CORO2B: variants seen among roughly 807,000 people sequenced by gnomAD.
The protein encoded by CORO2B is coronin-2B.
Under a neutral mutation model 58.8 loss-of-function variants are expected in CORO2B, and 26 were observed. The ratio of observed to expected loss-of-function variants is 0.44; its 90% CI spans 0.32 to 0.61. The LOEUF (loss-of-function observed/expected upper bound fraction) is 0.61. Among genes scored for constraint, CORO2B ranks in the 20% least tolerant of loss-of-function variants. The pLI, the probability that CORO2B is intolerant of heterozygous loss-of-function variation, is 0.04. For synonymous variants in CORO2B, 242 were observed against 253.8 expected, an observed-to-expected ratio of 0.95 and a Z score of 0.44; for missense variants, 460 against 645.1, an observed-to-expected ratio of 0.71 and a Z score of 3.11.
chr15:68,579,483 G>C (rs1457178850), intron 1 of CORO2B, among the ~76,000 whole-genome samples: 2 of 151,928 alleles, frequency 1.3e-5, no homozygotes, highest in Non-Finnish European at 2.9e-5. Context: ...CGCTCTGGCA[G>C]CCCCGGCGGT....
chr15:68,536,799 C>A, the CORO2B span, among the ~76,000 whole-genome samples: 1 of 152,230 alleles, frequency 6.6e-6, no homozygotes, highest in Admixed American at 6.5e-5. Context: ...GACATGGAAA[C>A]AGAAGTGGCA....
chr15:68,606,085 G>A (rs1309356860), intron 1 of CORO2B, among the ~76,000 whole-genome samples: 2 of 152,078 alleles, frequency 1.3e-5, no homozygotes, highest in African/African-American at 4.8e-5. Context: ...GAAAGTCATG[G>A]TGGCAGAGAA....
chr15:68,722,798 T>G (rs899209408), intron 11 of CORO2B, among the ~76,000 whole-genome samples: 1 of 152,228 alleles, frequency 6.6e-6, no homozygotes, highest in South Asian at 2.1e-4. Flanking sequence ...CTGGGCACGG[T>G]GGCTCACGCC....
At chr15:68,694,408 T>C (rs947040547) in intron 2 of CORO2B, among the ~76,000 whole-genome samples, 1 of 152,202 alleles carries the variant, frequency 6.6e-6, no homozygotes, top group African/African-American at 2.4e-5. Flanking sequence ...GAGAAGTTCA[T>C]TAACTTTCCT....
At chr15:68,639,655 A>G (rs957470749) in intron 1 of CORO2B, among the ~76,000 whole-genome samples, 2 of 152,186 alleles carry the variant, frequency 1.3e-5, no homozygotes, top group Non-Finnish European at 2.9e-5. Flanking sequence ...ATCGTCCTTA[A>G]TCGGAGGTCA....
At chr15:68,605,715 T>TTC (rs1900097160) in intron 1 of CORO2B, among the ~76,000 whole-genome samples, 1 of 120,186 alleles carries the variant, frequency 8.3e-6, no homozygotes, top group African/African-American at 3.1e-5. Context: ...TCTTGGGTTT[T>TTC]TTTTTTTTTT....
chr15:68,609,557 C>T (rs910804931), intron 1 of CORO2B, among the ~76,000 whole-genome samples: 3 of 152,140 alleles, frequency 2.0e-5, no homozygotes, highest in Admixed American at 6.5e-5. Flanking sequence ...CCTTCCCTCC[C>T]GAATCCACAT....
rs113479466 is a variant in CORO2B at position 68,691,432 on chromosome 15, C to T, written c.217-3708C>T. Among the ~76,000 whole-genome samples the T allele has an allele frequency of 4.5e-3, 83 of 18,498 alleles. 23 individuals are homozygous for T. Among genetic ancestry groups the T allele is most frequent in the African/African-American group, 5.8e-3 (77 of 13,314 alleles). The allele number at this position is 18,498 out of a possible 152,430, so 12.1% of individuals were successfully genotyped here. On this transcript the variant is annotated intron_variant, in intron 2 of 11. Coordinates refer to ENST00000261861, the MANE Select transcript of CORO2B (RefSeq NM_006091.5). ...CGAGGTCAGGAGATCGAGACCATCCCGGCTAAAACGGTGAAACCTCGTCTC... is the reference window on the plus strand; with the variant it reads ...CGAGGTCAGGAGATCGAGACCATCCTGGCTAAAACGGTGAAACCTCGTCTC...
chr15:68,521,271 A>G, the CORO2B span, among the ~76,000 whole-genome samples: 972 of 152,104 alleles, frequency 6.4e-3, 2 homozygotes, highest in Non-Finnish European at 8.2e-3. Flanking sequence ...TCAGTTTTAC[A>G]TTCTGTTACT....
the CORO2B span, among the ~76,000 whole-genome samples, chr15:68,572,091 T>C: frequency 6.6e-6 from 1 of 152,190 alleles, no homozygotes; most frequent in African/African-American, 2.4e-5. Flanking sequence ...CTGTGGGCTG[T>C]CAGTGGATCT....
chr15:68,597,204 C>T (rs375560757), intron 1 of CORO2B, among the ~76,000 whole-genome samples: 1 of 151,996 alleles, frequency 6.6e-6, no homozygotes, highest in African/African-American at 2.4e-5. Flanking sequence ...TGGCTTTGCT[C>T]GCCTGGCTGC....
chr15:68,563,230 A>G, the CORO2B span, among the ~76,000 whole-genome samples: 3 of 151,636 alleles, frequency 2.0e-5, no homozygotes, highest in East Asian at 5.9e-4. Context: ...GCTCACACCT[A>G]TAATCCCAGC....
intron 1 of CORO2B, among the ~76,000 whole-genome samples, chr15:68,618,338 G>T (rs1216408813): frequency 6.6e-6 from 1 of 152,178 alleles, no homozygotes; most frequent in Non-Finnish European, 1.5e-5. Context: ...TATTACACAT[G>T]TTGTATTACA....
intron 1 of CORO2B, among the ~76,000 whole-genome samples, chr15:68,600,830 G>A (rs1181589958): frequency 2.0e-5 from 3 of 152,182 alleles, no homozygotes; most frequent in African/African-American, 2.4e-5. Flanking sequence ...GGTCCCCCAC[G>A]GGGAGACAAG....
chr15:68,562,589 CA>C, the CORO2B span, among the ~76,000 whole-genome samples: 4 of 152,030 alleles, frequency 2.6e-5, no homozygotes, highest in African/African-American at 9.7e-5. Context: ...AATACATATA[CA>C]AAAAAATTAC....
At chr15:68,571,523 T>C in the CORO2B span, among the ~76,000 whole-genome samples, 1 of 152,236 alleles carries the variant, frequency 6.6e-6, no homozygotes, top group Non-Finnish European at 1.5e-5. Context: ...AATCTTCACA[T>C]GCACAGATTG....
intron 2 of CORO2B, among the ~76,000 whole-genome samples, chr15:68,684,628 C>A (rs867258026): frequency 5.9e-5 from 9 of 152,242 alleles, no homozygotes; most frequent in South Asian, 2.1e-4. Flanking sequence ...GAACATGAGA[C>A]CCCCTCCCGC....
chr15:68,710,299 G>T lies in CORO2B; in HGVS notation c.334-433G>T, dbSNP rs1189131962. 6.6e-6 allele frequency among the ~76,000 whole-genome samples: 1 copy of T among 152,202 alleles called. No individual in the cohort carries two copies. Among genetic ancestry groups the T allele is most frequent in the East Asian group, 1.9e-4 (1 of 5,190 alleles). On this transcript the variant is annotated intron_variant, in intron 3 of 11. Transcript: ENST00000261861. This position sits in a 1 kb window ranked among gnomAD's most constrained non-coding sequence, Gnocchi z 4.1. ...ATCCTGGGTGGGGGACACAGTGGGG[G>T]ATAAGGCCCTGCAGTCCAAACAGCC...
At chr15:68,605,029 G>C (rs757208908) in intron 1 of CORO2B, among the ~76,000 whole-genome samples, 1 of 151,806 alleles carries the variant, frequency 6.6e-6, no homozygotes, top group African/African-American at 2.4e-5. Flanking sequence ...CAGGAGAATC[G>C]CTTGAACCTG....
Sources: allele counts gnomAD v4.1 joint callset (sites outside exome capture counted in the v4.1 genomes callset), GRCh38; gene constraint gnomAD v4.1.1; non-coding constraint Gnocchi (gnomAD v3.1); transcripts MANE v1.5; gene names NCBI Gene and HGNC (gene_info 2026-07-23, HGNC 2026-07-21).